HECW1: variants seen among roughly 807,000 people sequenced by gnomAD.
The protein encoded by HECW1 is HECT, C2 and WW domain containing E3 ubiquitin protein ligase 1.
In HECW1, 61 loss-of-function variants were observed where a neutral mutation model predicts 182.3. The ratio of observed to expected loss-of-function variants is 0.33; its 90% CI spans 0.27 to 0.41. The LOEUF is 0.41. Among genes scored for constraint, HECW1 ranks in the 10% least tolerant of loss-of-function variants. HECW1 has a pLI of 1.00. For missense variants in HECW1, 1,739 were observed against 2,108.9 expected (o/e 0.82, Z 3.44); for synonymous variants, 859 against 832.6 (o/e 1.03, Z -0.55).
At chr7:43,269,529 T>C (rs529203819) in intron 3 of HECW1, among the ~76,000 whole-genome samples, 1 of 152,276 alleles carries the variant, frequency 6.6e-6, no homozygotes, top group East Asian at 1.9e-4. Context: ...TGAAGCATAT[T>C]TGGGTTAGGA....
intron 29 of HECW1, among the ~76,000 whole-genome samples, 185 bp from the exon 30 acceptor site, chr7:43,561,630 C>T (rs1195846919): frequency 6.6e-6 from 1 of 152,162 alleles, no homozygotes; most frequent in South Asian, 2.1e-4. Flanking sequence ...TATTCCATTC[C>T]TTCCACCAGT....
chr7:43,386,786 C>A (rs2074817612), intron 6 of HECW1, among the ~76,000 whole-genome samples: 2 of 152,134 alleles, frequency 1.3e-5, no homozygotes, highest in African/African-American at 4.8e-5. Context: ...CTCATTTGGG[C>A]CAGCTGAAGG....
chr7:43,523,055 G>C (rs2080573727), intron 24 of HECW1: 1 of 445,844 alleles, frequency 2.2e-6, no homozygotes, highest in Non-Finnish European at 4.5e-6. Flanking sequence ...CCAGGCTAGA[G>C]TGCAATGGTG....
chr7:43,558,195 G>A (rs762034358), intron 29 of HECW1, among the ~76,000 whole-genome samples: 1 of 152,178 alleles, frequency 6.6e-6, no homozygotes, highest in Non-Finnish European at 1.5e-5. Context: ...GGCTCAGAAG[G>A]AAAGAGAAGG....
At chr7:43,214,931 G>A (rs1796313179) in intron 2 of HECW1, among the ~76,000 whole-genome samples, 2 of 152,210 alleles carry the variant, frequency 1.3e-5, no homozygotes, top group Admixed American at 6.5e-5. Context: ...GCCCATGAAT[G>A]CCTCCTCCCA....
intron 6 of HECW1, among the ~76,000 whole-genome samples, chr7:43,391,153 G>C (rs2075014477): frequency 6.6e-6 from 1 of 152,196 alleles, no homozygotes; most frequent in Admixed American, 6.5e-5. Flanking sequence ...TCAGGACTCA[G>C]ACCTTAGTCA....
chr7:43,543,701 C>T (rs1423994868), intron 26 of HECW1, among the ~76,000 whole-genome samples: 6 of 151,124 alleles, frequency 4.0e-5, no homozygotes, highest in African/African-American at 1.5e-4. Context: ...ATTGCTTGAA[C>T]CTAGGAGGCA....
chr7:43,383,147 G>A (rs936354700), intron 6 of HECW1, among the ~76,000 whole-genome samples: 2 of 152,196 alleles, frequency 1.3e-5, no homozygotes, highest in African/African-American at 4.8e-5. Context: ...ATTCCATGGT[G>A]TATGTGTGCC....
intron 6 of HECW1, among the ~76,000 whole-genome samples, chr7:43,380,413 C>T (rs564200910): frequency 3.9e-5 from 6 of 152,072 alleles, no homozygotes; most frequent in Admixed American, 1.3e-4. Context: ...TAATCCATAT[C>T]GTGCTGTAGT....
chr7:43,178,314 T>TC (rs35162690), intron 2 of HECW1, among the ~76,000 whole-genome samples: 66,121 of 151,942 alleles, frequency 0.44, 14,878 homozygotes, highest in African/African-American at 0.53. Flanking sequence ...CCAGCAGGGT[T>TC]CTATCTAACT....
intron 2 of HECW1, among the ~76,000 whole-genome samples, chr7:43,214,013 T>C (rs1046622362): frequency 2.0e-5 from 3 of 152,104 alleles, no homozygotes; most frequent in African/African-American, 7.2e-5. Flanking sequence ...GAGACCTTTA[T>C]TTTAATTCTT....
intron 6 of HECW1, among the ~76,000 whole-genome samples, chr7:43,374,241 A>G (rs2074230441): frequency 6.6e-6 from 1 of 152,240 alleles, no homozygotes. Context: ...AAATAAATTC[A>G]ATGTAAAGAA....
At chr7:43,437,145 C>T (rs899543302) in intron 8 of HECW1, among the ~76,000 whole-genome samples, 3 of 152,226 alleles carry the variant, frequency 2.0e-5, no homozygotes, top group African/African-American at 7.2e-5. Context: ...TAGACATTTT[C>T]TCTGCAGTTC....
intron 4 of HECW1, 44 bp downstream of exon 4, chr7:43,312,131 C>T (rs1808607001): frequency 6.8e-7 from 1 of 1,467,800 alleles, no homozygotes; most frequent in Non-Finnish European, 9.5e-7. Context: ...TTCACTTTTA[C>T]ATATGCTGTC....
intron 6 of HECW1, among the ~76,000 whole-genome samples, chr7:43,388,866 G>A (rs2074906751): frequency 6.6e-6 from 1 of 152,186 alleles, no homozygotes; most frequent in Admixed American, 6.5e-5. Context: ...GCCAGTGGGT[G>A]CCTCTTGATG....
intron 4 of HECW1, among the ~76,000 whole-genome samples, chr7:43,314,433 G>A (rs941322939): frequency 2.6e-5 from 4 of 152,054 alleles, no homozygotes; most frequent in African/African-American, 9.7e-5. Context: ...GGGGGCAGGG[G>A]AGAGGCAGAC....
intron 24 of HECW1, among the ~76,000 whole-genome samples, chr7:43,530,351 G>T (rs563531599): frequency 6.6e-6 from 1 of 151,672 alleles, no homozygotes; most frequent in Non-Finnish European, 1.5e-5. Context: ...TTGTCACCTA[G>T]TTTTTATTAT....
intron 15 of HECW1, 72 bp downstream of exon 15, chr7:43,466,640 TGATA>T: frequency 6.6e-7 from 1 of 1,520,222 alleles, no homozygotes; most frequent in Non-Finnish European, 8.9e-7. Context: ...TAAAGTCATC[TGATA>T]GATCTAAAAG....
At chr7:43,224,569 A>G (rs1329076058) in intron 2 of HECW1, among the ~76,000 whole-genome samples, 2 of 152,198 alleles carry the variant, frequency 1.3e-5, no homozygotes, top group Non-Finnish European at 2.9e-5. Flanking sequence ...GCCTGTAATC[A>G]CAGCACTTTG....
Sources: allele counts gnomAD v4.1 joint callset (sites outside exome capture counted in the v4.1 genomes callset), GRCh38; gene constraint gnomAD v4.1.1; transcripts MANE v1.5; gene names NCBI Gene and HGNC (gene_info 2026-07-23, HGNC 2026-07-21).